Variants in SPTA1 observed in about 807,000 individuals in gnomAD.
The protein encoded by SPTA1 is spectrin alpha chain, erythrocytic 1.
SPTA1 carries 177 observed loss-of-function variants against 324.7 expected under a neutral mutation model. The observed-to-expected ratio is 0.55, with a 90% CI of 0.48 to 0.62. The LOEUF is 0.62. Ranked by LOEUF, SPTA1 falls within the 20% of genes least tolerant of loss-of-function variation. The pLI is 0.00. For missense variants in SPTA1, 3,162 were observed against 2,883.6 expected, an observed-to-expected ratio of 1.10 and a Z score of -2.21; for synonymous variants, 1,195 against 1,041.3, an observed-to-expected ratio of 1.15 and a Z score of -2.84.
intron 39 of SPTA1, 32 bp downstream of exon 39, chr1:158,634,508 GAGA>G (rs749542276): frequency 6.2e-7 from 1 of 1,612,518 alleles, no homozygotes; most frequent in Admixed American, 1.7e-5. Flanking sequence ...CCAAATTGAA[GAGA>G]AGAAAATTGA....
At chr1:158,649,038 T>C (rs1475432974) in intron 25 of SPTA1, among the ~76,000 whole-genome samples, 1 of 152,216 alleles carries the variant, frequency 6.6e-6, no homozygotes. Context: ...CACAGACCTG[T>C]CTGAGTCTGT....
chr1:158,686,179 G>A (rs187272221), intron 1 of SPTA1, among the ~76,000 whole-genome samples: 1 of 152,154 alleles, frequency 6.6e-6, no homozygotes, highest in African/African-American at 2.4e-5. Flanking sequence ...GCTACTCTGT[G>A]AATTGCCATT....
intron 8 of SPTA1, among the ~76,000 whole-genome samples, chr1:158,675,233 T>C (rs1654314987): frequency 6.6e-6 from 1 of 152,194 alleles, no homozygotes; most frequent in Admixed American, 6.5e-5. Context: ...GAATTAATAC[T>C]GAAATGATGC....
chr1:158,614,137 C>T, intron 49 of SPTA1, 116 bp downstream of exon 49: 1 of 905,334 alleles, frequency 1.1e-6, no homozygotes, highest in South Asian at 1.5e-5. Context: ...ATGAGCATAT[C>T]TAGATCTTCA....
intron 42 of SPTA1, among the ~76,000 whole-genome samples, chr1:158,623,612 C>A (rs763241815): frequency 3.9e-5 from 6 of 152,142 alleles, no homozygotes; most frequent in Non-Finnish European, 7.4e-5. Flanking sequence ...CCCTTTTGTG[C>A]AGCACTTCTT....
chr1:158,650,067 G>C (rs1278770032), intron 24 of SPTA1, 120 bp from the exon 25 acceptor site: 2 of 767,578 alleles, frequency 2.6e-6, no homozygotes, highest in Admixed American at 2.1e-5. Context: ...TTCAGAAATT[G>C]CATAGCTTTG....
At chr1:158,674,258 A>T (rs1369841011) in intron 10 of SPTA1, 71 bp downstream of exon 10, 1 of 1,407,954 alleles carries the variant, frequency 7.1e-7, no homozygotes, top group East Asian at 2.3e-5. Context: ...AGAGATTATC[A>T]TATTATTGTG....
chr1:158,634,510 G>C (rs1650913357), intron 39 of SPTA1, 33 bp downstream of exon 39: 8 of 1,612,706 alleles, frequency 5.0e-6, no homozygotes, highest in Non-Finnish European at 6.8e-6. Flanking sequence ...AAATTGAAGA[G>C]AAGAAAATTG....
At position 158,614,283 on chromosome 1, in the gene SPTA1, T is replaced by A; in HGVS notation, c.6812A>T (p.Glu2271Val). 6.2e-7 allele frequency: 1 copy of A among 1,600,108 alleles called. No individual in the cohort carries two copies. The highest frequency in any genetic ancestry group is 8.6e-7 in the Non-Finnish European group (1 of 1,168,348). Residue 2271 changes from glutamate (E) to valine (V), a missense_variant, in exon 49 of 52, where the codon GAG becomes GTG. Glu to Val is a moderately radical substitution (Grantham distance 121). Transcript: ENST00000643759. ...GATTGTGCTAAATTCCTTTAGAGTC[T>A]CTTCACTCACACCTTTGATGTCCCT... ...QAKDIKGVSE[E>V]TLKEFSTIYK...
chr1:158,680,801 C>T (rs1016038335), intron 4 of SPTA1, 72 bp from the exon 5 acceptor site: 7 of 1,591,372 alleles, frequency 4.4e-6, no homozygotes, highest in Non-Finnish European at 5.1e-6. Context: ...ACTCAAAACT[C>T]CTGCTTGCAT....
chr1:158,681,005 A>G (rs528632881), intron 4 of SPTA1, among the ~76,000 whole-genome samples: 1 of 152,312 alleles, frequency 6.6e-6, no homozygotes, highest in East Asian at 1.9e-4. Context: ...TTGAAACATG[A>G]GGGATAAATT....
chr1:158,654,816 G>C, intron 20 of SPTA1, 68 bp from the exon 21 acceptor site: 1 of 1,600,150 alleles, frequency 6.2e-7, no homozygotes, highest in East Asian at 2.2e-5. Flanking sequence ...CTTACCAGGG[G>C]TGAGTAGTCC....
chr1:158,645,171 T>G lies in SPTA1; in HGVS notation c.4194+17A>C. On this transcript the variant is annotated intron_variant, in intron 29 of 51. Transcript: ENST00000643759. ...CAGACTACTGAACCTGCTTAACAAT[T>G]GGGAAATTTGCTGTACCTGCAACTC... 6.2e-7 allele frequency: 1 copy of G among 1,613,662 alleles called. No individual in the cohort carries two copies. Among genetic ancestry groups the G allele is most frequent in the South Asian group, 1.1e-5 (1 of 91,072 alleles).
chr1:158,638,337 A>C (rs1395595524), intron 35 of SPTA1, 96 bp from the exon 36 acceptor site: 47 of 1,218,178 alleles, frequency 3.9e-5, no homozygotes, highest in Non-Finnish European at 5.3e-5. Context: ...AGACTGGGCC[A>C]AATGGATTGC....
At chr1:158,653,479 C>G in intron 21 of SPTA1, 54 bp from the exon 22 acceptor site, 2 of 1,609,354 alleles carry the variant, frequency 1.2e-6, no homozygotes, top group Non-Finnish European at 1.7e-6. Context: ...AAGCAACAAA[C>G]GGGAGAGACT....
intron 51 of SPTA1, chr1:158,612,567 A>AAAT: frequency 2.0e-6 from 1 of 487,942 alleles, no homozygotes; most frequent in Admixed American, 3.3e-5. Flanking sequence ...GAAAAAAAAA[A>AAAT]GAAATAGCCT....
chr1:158,661,591 G>C (rs1302421858), intron 17 of SPTA1, 182 bp from the exon 18 acceptor site: 1 of 735,060 alleles, frequency 1.4e-6, no homozygotes, highest in African/African-American at 1.8e-5. Flanking sequence ...TCTTCCCCTG[G>C]CCTCTTTTTA....
intron 20 of SPTA1, among the ~76,000 whole-genome samples, chr1:158,655,027 A>T (rs773095944): frequency 5.3e-5 from 8 of 152,196 alleles, no homozygotes; most frequent in Non-Finnish European, 1.2e-4. Flanking sequence ...TCAGTTCTTA[A>T]AATGGGAGGA....
intron 16 of SPTA1, among the ~76,000 whole-genome samples, chr1:158,664,211 A>G (rs55776487): frequency 0.077 from 11,733 of 152,266 alleles, 1,553 homozygotes; most frequent in African/African-American, 0.27. Context: ...TCATTCTACT[A>G]TAAAGACACA....
Sources: allele counts gnomAD v4.1 joint callset (sites outside exome capture counted in the v4.1 genomes callset), GRCh38; gene constraint gnomAD v4.1.1; transcripts MANE v1.5; gene names NCBI Gene and HGNC (gene_info 2026-07-23, HGNC 2026-07-21).